Variants in ICA1 observed in about 807,000 individuals in gnomAD.
The protein encoded by ICA1 is islet cell autoantigen 1, also known as 69 kDa islet cell autoantigen.
Under a neutral mutation model 71.0 loss-of-function variants are expected in ICA1, and 40 were observed. That is an observed-to-expected ratio of 0.56 (90% CI 0.44 to 0.73). The LOEUF (loss-of-function observed/expected upper bound fraction) is 0.73. ICA1 is among the 30% of genes least tolerant of loss of function. The probability of loss-of-function intolerance (pLI) is 0.00; values close to 1 mark genes in which losing one functional copy is unlikely to be tolerated. For synonymous variants in ICA1, 207 were observed against 209.5 expected (o/e 0.99, Z 0.10); for missense variants, 578 against 576.5 (o/e 1.00, Z -0.03).
At chr7:8,139,186 A>G (rs1794383566) in intron 10 of ICA1, 139 bp from the exon 11 acceptor site, 1 of 640,134 alleles carries the variant, frequency 1.6e-6, no homozygotes, top group Non-Finnish European at 2.8e-6. Flanking sequence ...GGGTCCTCAG[A>G]TTACACTGGA....
At chr7:8,127,548 G>C (rs766972824) in intron 13 of ICA1, among the ~76,000 whole-genome samples, 1 of 152,158 alleles carries the variant, frequency 6.6e-6, no homozygotes, top group Non-Finnish European at 1.5e-5. Context: ...ACTCAGGGCG[G>C]AGTGGCCAAG....
chr7:8,210,586 T>C (rs1793349889), intron 6 of ICA1, among the ~76,000 whole-genome samples: 1 of 151,726 alleles, frequency 6.6e-6, no homozygotes, highest in African/African-American at 2.4e-5. Context: ...AAACGCAAAA[T>C]TATGCTCAAA....
rs538264128 is a variant in ICA1 at position 8,144,938 on chromosome 7, T to C, written c.805-966A>G. ...ACACATAGGAGGCAATCAGGTTTCA[T>C]GGCCAATTCTGATTGATTAGTACTG... On this transcript the variant is annotated intron_variant, in intron 8 of 13. Transcript: ENST00000402384. The surrounding 1 kb of genome is among the most constrained non-coding windows in gnomAD (Gnocchi z 4.5). Among the ~76,000 whole-genome samples, 2 of 152,266 alleles carry C rather than the reference T, an allele frequency of 1.3e-5. No individual in the cohort carries two copies. Among genetic ancestry groups the C allele is most frequent in the South Asian group, 4.1e-4 (2 of 4,820 alleles).
At chr7:8,252,402 G>C (rs1201273757) in intron 1 of ICA1, among the ~76,000 whole-genome samples, 7 of 152,080 alleles carry the variant, frequency 4.6e-5, no homozygotes, top group Non-Finnish European at 1.5e-5. Flanking sequence ...AACTTGGAAG[G>C]CTCTTACAAA....
chr7:8,129,045 C>CT (rs1347850340), intron 12 of ICA1, among the ~76,000 whole-genome samples: 2 of 152,158 alleles, frequency 1.3e-5, no homozygotes. Flanking sequence ...AGAAGGCAGC[C>CT]ATCCTTACAT....
chr7:8,197,223 G>C (rs1245152685), intron 6 of ICA1, among the ~76,000 whole-genome samples: 1 of 151,340 alleles, frequency 6.6e-6, no homozygotes, highest in Non-Finnish European at 1.5e-5. Context: ...TTATGCTTCA[G>C]ACCCTTAAAA....
chr7:8,198,572 C>T (rs1788475578), intron 6 of ICA1, among the ~76,000 whole-genome samples: 1 of 152,086 alleles, frequency 6.6e-6, no homozygotes, highest in African/African-American at 2.4e-5. Flanking sequence ...AAGCAGGAAG[C>T]CAAGCCAGAG....
At chr7:8,172,510 C>G (rs928365733) in intron 6 of ICA1, among the ~76,000 whole-genome samples, 1 of 152,096 alleles carries the variant, frequency 6.6e-6, no homozygotes. Context: ...CTAGATCTTG[C>G]TTTTGAAAAA....
At chr7:8,227,805 CA>C in intron 4 of ICA1, 1 of 434,974 alleles carries the variant, frequency 2.3e-6, no homozygotes, top group Non-Finnish European at 4.6e-6. Context: ...AGGCTGGTCT[CA>C]AACTCCTGGC....
intron 13 of ICA1, among the ~76,000 whole-genome samples, chr7:8,117,225 T>C (rs1428238740): frequency 5.3e-5 from 8 of 152,198 alleles, no homozygotes. Flanking sequence ...TTAAACCCCT[T>C]TCCTTTATAA....
At chr7:8,189,099 A>G (rs771972245) in intron 6 of ICA1, among the ~76,000 whole-genome samples, 16 of 152,186 alleles carry the variant, frequency 1.1e-4, no homozygotes, top group Non-Finnish European at 1.9e-4. Flanking sequence ...CCCAGTGCCC[A>G]TTGCAATCAT....
chr7:8,195,440 G>A (rs936176289), intron 6 of ICA1, among the ~76,000 whole-genome samples: 1 of 152,134 alleles, frequency 6.6e-6, no homozygotes, highest in African/African-American at 2.4e-5. Flanking sequence ...TACTTTGGGA[G>A]GCTGAGGCAG....
intron 1 of ICA1, among the ~76,000 whole-genome samples, chr7:8,259,890 G>A (rs73236367): frequency 0.022 from 3,292 of 152,258 alleles, 109 homozygotes; most frequent in African/African-American, 0.074. Flanking sequence ...TGCGAATGGT[G>A]GTGGGGTTGG....
At chr7:8,183,486 T>C (rs1007011509) in intron 6 of ICA1, among the ~76,000 whole-genome samples, 1 of 152,164 alleles carries the variant, frequency 6.6e-6, no homozygotes, top group African/African-American at 2.4e-5. Flanking sequence ...TGGGGACAAT[T>C]ATATGCATTC....
intron 1 of ICA1, among the ~76,000 whole-genome samples, chr7:8,247,629 A>T (rs1418891677): frequency 6.6e-6 from 1 of 152,180 alleles, no homozygotes; most frequent in East Asian, 1.9e-4. Flanking sequence ...CAAAGTGGAC[A>T]GGAGTCAGTT....
chr7:8,151,613 G>A (rs1346295507), intron 8 of ICA1, among the ~76,000 whole-genome samples: 2 of 152,084 alleles, frequency 1.3e-5, no homozygotes, highest in Admixed American at 6.5e-5. Context: ...GCATTGCAGG[G>A]ATATTTACCC....
intron 6 of ICA1, among the ~76,000 whole-genome samples, chr7:8,197,476 C>T (rs1788054950): frequency 6.7e-6 from 1 of 149,932 alleles, no homozygotes; most frequent in Admixed American, 6.6e-5. Flanking sequence ...TCACTTGAAC[C>T]CGGGAGGTGG....
intron 12 of ICA1, among the ~76,000 whole-genome samples, chr7:8,137,733 C>G (rs147410333): frequency 6.6e-6 from 1 of 152,338 alleles, no homozygotes; most frequent in Non-Finnish European, 1.5e-5. Context: ...AAGACAGTAA[C>G]AGGGAAAGCA....
At chr7:8,229,100 T>C (rs1404167265) in intron 3 of ICA1, among the ~76,000 whole-genome samples, 1 of 152,186 alleles carries the variant, frequency 6.6e-6, no homozygotes, top group Admixed American at 6.5e-5. Flanking sequence ...ATTTAAAAGA[T>C]GACGTTAACT....
Sources: allele counts gnomAD v4.1 joint callset (sites outside exome capture counted in the v4.1 genomes callset), GRCh38; gene constraint gnomAD v4.1.1; non-coding constraint Gnocchi (gnomAD v3.1); transcripts MANE v1.5; gene names NCBI Gene and HGNC (gene_info 2026-07-23, HGNC 2026-07-21).